Variants in PSKH1 observed in about 807,000 individuals in gnomAD.
The protein encoded by PSKH1 is serine/threonine-protein kinase H1.
Under a neutral mutation model 26.7 loss-of-function variants are expected in PSKH1, and 12 were observed. The ratio of observed to expected loss-of-function variants is 0.45; its 90% CI spans 0.29 to 0.73. PSKH1 has a LOEUF of 0.73. PSKH1 is among the 30% of genes least tolerant of loss of function. PSKH1 has a pLI of 0.11. For missense variants in PSKH1, 431 were observed against 595.2 expected, an observed-to-expected ratio of 0.72 and a Z score of 2.87; for synonymous variants, 213 against 234.3, an observed-to-expected ratio of 0.91 and a Z score of 0.83.
At chr16:67,924,461 G>A (rs1340985662) in intron 2 of PSKH1, among the ~76,000 whole-genome samples, 1 of 152,214 alleles carries the variant, frequency 6.6e-6, no homozygotes, top group Non-Finnish European at 1.5e-5. Flanking sequence ...AAGACCATAG[G>A]GCTGGTCTGG....
rs959626962 is a variant in PSKH1, at chr16:67,896,535, CTTTTTTT to C, written c.-71+3182_-71+3188del. On this transcript the variant is annotated intron_variant, in intron 1 of 2. Transcript: ENST00000291041. ...GGGGAAAACTGACAATAGTGTGCTT[CTTTTTTT>C]TTTTTTTTTTTTTTTTTGAGACGGA... is the stretch of plus-strand genomic sequence containing the variant. Among the ~76,000 whole-genome samples, 790 of 80,968 alleles carry C rather than the reference CTTTTTTT, an allele frequency of 9.8e-3. 13 individuals carry two copies. Among genetic ancestry groups the C allele is most frequent in the African/African-American group, 0.037 (705 of 19,278 alleles). 53.1% of individuals were successfully genotyped at this position (80,968 alleles called of 152,430 possible). A position where few individuals can be genotyped will look rare whatever the true frequency, so the allele number is the denominator to read the frequency against.
chr16:67,895,056 TG>T (rs2058122363), intron 1 of PSKH1, among the ~76,000 whole-genome samples: 1 of 151,686 alleles, frequency 6.6e-6, no homozygotes, highest in African/African-American at 2.4e-5. Flanking sequence ...CCAGAGTAGC[TG>T]GGGTTACAGG....
chr16:67,897,575 C>T (rs901277787), intron 1 of PSKH1, among the ~76,000 whole-genome samples: 3 of 152,184 alleles, frequency 2.0e-5, no homozygotes, highest in Non-Finnish European at 2.9e-5. Flanking sequence ...TGGCCGCCTT[C>T]TTTTTGTTTG....
chr16:67,929,175 C>A lies in PSKH1; in HGVS notation c.*1533C>A, dbSNP rs1228904480. 6.6e-6 allele frequency: 1 copy of A among 152,668 alleles called. No homozygotes were observed. Among genetic ancestry groups the A allele is most frequent in the East Asian group, 1.9e-4 (1 of 5,196 alleles). The allele number at this position is 152,668 out of a possible 1,614,324, so 9.5% of individuals were successfully genotyped here. ...CAGTGGGTAGAATGGGGCCAGGGCC[C>A]AGCTTTGGCCTTAGCTTGACGGCAG... On this transcript the variant is annotated 3_prime_UTR_variant, in exon 3 of 3. Coordinates refer to ENST00000291041, the MANE Select transcript of PSKH1 (RefSeq NM_006742.3).
chr16:67,911,651 C>T (rs1427084272), intron 2 of PSKH1, among the ~76,000 whole-genome samples: 1 of 152,102 alleles, frequency 6.6e-6, no homozygotes, highest in Admixed American at 6.6e-5. Flanking sequence ...CATTGCACTC[C>T]AGCCTGGGCA....
At chr16:67,910,446 G>A (rs1045633375) in intron 2 of PSKH1, among the ~76,000 whole-genome samples, 1 of 152,222 alleles carries the variant, frequency 6.6e-6, no homozygotes, top group East Asian at 1.9e-4. Context: ...TGAGGACCTC[G>A]TGTGTCCAGA....
intron 1 of PSKH1, among the ~76,000 whole-genome samples, chr16:67,901,606 T>A (rs994077550): frequency 6.7e-6 from 1 of 148,662 alleles, no homozygotes; most frequent in Admixed American, 6.7e-5. Flanking sequence ...GTGCTAGGAT[T>A]ACAGGCGTGA....
At chr16:67,919,221 C>G (rs1179336290) in intron 2 of PSKH1, among the ~76,000 whole-genome samples, 1 of 152,128 alleles carries the variant, frequency 6.6e-6, no homozygotes, top group African/African-American at 2.4e-5. Context: ...CTTGGATTCT[C>G]CTGGATGCTT....
chr16:67,894,082 T>G (rs1017175340), intron 1 of PSKH1, among the ~76,000 whole-genome samples: 2 of 152,262 alleles, frequency 1.3e-5, no homozygotes, highest in Admixed American at 6.5e-5. Context: ...GGAGCACTTC[T>G]GTGCTCCCTT....
intron 1 of PSKH1, among the ~76,000 whole-genome samples, chr16:67,901,351 A>T (rs2058141396): frequency 6.6e-6 from 1 of 152,184 alleles, no homozygotes; most frequent in South Asian, 2.1e-4. Flanking sequence ...TTTCTTTAAG[A>T]GACGGAGTTT....
chr16:67,909,897 C>G lies in PSKH1; in HGVS notation c.957+191C>G. On this transcript the variant is annotated intron_variant, in intron 2 of 2. Coordinates refer to ENST00000291041, the MANE Select transcript of PSKH1 (RefSeq NM_006742.3). The surrounding 1 kb of genome is among the most constrained non-coding windows in gnomAD (Gnocchi z 7.8). ...CTCAAGGTGAGCCCTGAGACAAGGACTTGGGAGCAGATAGTTTATTTGGGA... is the reference window on the plus strand; with the variant it reads ...CTCAAGGTGAGCCCTGAGACAAGGAGTTGGGAGCAGATAGTTTATTTGGGA... The G allele has an allele frequency of 1.7e-6, 1 of 597,832 alleles. No individual in the cohort carries two copies. The highest frequency in any genetic ancestry group is 3.0e-6 in the Non-Finnish European group (1 of 337,686). The allele number at this position is 597,832 out of a possible 1,614,324, so 37.0% of individuals were successfully genotyped here. A position where few individuals can be genotyped will look rare whatever the true frequency, so the allele number is the denominator to read the frequency against.
At chr16:67,904,931 A>G in intron 1 of PSKH1, among the ~76,000 whole-genome samples, 1 of 144,482 alleles carries the variant, frequency 6.9e-6, no homozygotes, top group South Asian at 2.1e-4. Flanking sequence ...CATTCACGCC[A>G]TTCTCCTGCC....
chr16:67,927,273 G>A lies in PSKH1; in HGVS notation c.958-52G>A. ...TGCTGAGTAGTGGCCTCATCCAGAT[G>A]GGGTGGGCAGTGTCAGATGCTCTCA... On this transcript the variant is annotated intron_variant, in intron 2 of 2. Coordinates refer to ENST00000291041, the MANE Select transcript of PSKH1 (RefSeq NM_006742.3). This position sits in a 1 kb window ranked among gnomAD's most constrained non-coding sequence, Gnocchi z 5.5. 1 of 1,525,574 alleles carries A rather than the reference G, an allele frequency of 6.6e-7. No homozygotes were observed. The highest frequency in any genetic ancestry group is 8.9e-7 in the Non-Finnish European group (1 of 1,122,452). 94.5% of individuals were successfully genotyped at this position (1,525,574 alleles called of 1,614,324 possible).
chr16:67,895,731 TC>T (rs1431825184), intron 1 of PSKH1, among the ~76,000 whole-genome samples: 1 of 152,110 alleles, frequency 6.6e-6, no homozygotes, highest in East Asian at 1.9e-4. Context: ...TGAGAAAACT[TC>T]CCAGGTAACT....
chr16:67,921,273 C>T (rs528134154), intron 2 of PSKH1, among the ~76,000 whole-genome samples: 1 of 148,364 alleles, frequency 6.7e-6, no homozygotes, highest in Non-Finnish European at 1.5e-5. Flanking sequence ...AACTCCGTCT[C>T]AAAAAAAGAA....
At chr16:67,906,056 C>G (rs544965023) in intron 1 of PSKH1, among the ~76,000 whole-genome samples, 4 of 151,808 alleles carry the variant, frequency 2.6e-5, no homozygotes, top group African/African-American at 9.7e-5. Flanking sequence ...ATTTCTCTTC[C>G]AGTTCTATTT....
At chr16:67,913,526 AGGTT>A (rs2058178923) in intron 2 of PSKH1, among the ~76,000 whole-genome samples, 1 of 152,122 alleles carries the variant, frequency 6.6e-6, no homozygotes, top group Admixed American at 6.5e-5. Flanking sequence ...AAAGCATGCC[AGGTT>A]GCTGGCAGGA....
At chr16:67,923,280 C>G (rs748799649) in intron 2 of PSKH1, among the ~76,000 whole-genome samples, 1 of 152,112 alleles carries the variant, frequency 6.6e-6, no homozygotes, top group Non-Finnish European at 1.5e-5. Context: ...GAGCAGGTAC[C>G]CTAACTGCAA....
At chr16:67,901,097 C>A (rs2151310523) in intron 1 of PSKH1, among the ~76,000 whole-genome samples, 1 of 152,170 alleles carries the variant, frequency 6.6e-6, no homozygotes, top group East Asian at 1.9e-4. Context: ...TTGTCCCCAC[C>A]TCTCAGCCAG....
Sources: allele counts gnomAD v4.1 joint callset (sites outside exome capture counted in the v4.1 genomes callset), GRCh38; gene constraint gnomAD v4.1.1; non-coding constraint Gnocchi (gnomAD v3.1); transcripts MANE v1.5; gene names NCBI Gene and HGNC (gene_info 2026-07-23, HGNC 2026-07-21).